The following ANKRD44 variants were observed in gnomAD, a reference collection of about 807,000 sequenced individuals.
The protein encoded by ANKRD44 is ankyrin repeat domain 44, also known as serine/threonine-protein phosphatase 6 regulatory ankyrin repeat subunit B.
A neutral mutation model predicts 116.0 loss-of-function variants in ANKRD44; 35 were observed. The observed-to-expected ratio is 0.30, with a 90% CI of 0.23 to 0.40. The LOEUF is 0.40. Among genes scored for constraint, ANKRD44 ranks in the 10% least tolerant of loss-of-function variants. The pLI, the probability that ANKRD44 is intolerant of heterozygous loss-of-function variation, is 1.00. For missense variants in ANKRD44, 1,014 were observed against 1,242.6 expected (o/e 0.82, Z 2.77); for synonymous variants, 435 against 461.8 (o/e 0.94, Z 0.74).
At chr2:197,009,102 C>CT (rs1015544898) in intron 18 of ANKRD44, 71 bp from the exon 19 acceptor site, 127 of 1,361,060 alleles carry the variant, frequency 9.3e-5, no homozygotes, top group Middle Eastern at 1.8e-4. Flanking sequence ...ATGACTTTTT[C>CT]TTTTTTTTGA....
At chr2:197,022,693 C>T (rs74432706) in intron 17 of ANKRD44, among the ~76,000 whole-genome samples, 5,260 of 152,272 alleles carry the variant, frequency 0.035, 123 homozygotes, top group Non-Finnish European at 0.052. Flanking sequence ...ATATGAGATT[C>T]TATGCTACGT....
chr2:196,987,890 G>T lies in ANKRD44; in HGVS notation c.*1701C>A, dbSNP rs1244000691. 4 of 982,320 alleles carry T rather than the reference G, an allele frequency of 4.1e-6. No individual in the cohort carries two copies. Among genetic ancestry groups the T allele is most frequent in the Non-Finnish European group, 4.8e-6 (4 of 827,440 alleles). 60.9% of individuals were successfully genotyped at this position (982,320 alleles called of 1,614,324 possible). Reference sequence around the variant, plus strand: ...TGCAAACATAATTTTATTTCTAAGAGATGTAATTAAAATACAGAAATGATA... The same window carrying T: ...TGCAAACATAATTTTATTTCTAAGATATGTAATTAAAATACAGAAATGATA... On this transcript the variant is annotated 3_prime_UTR_variant, in exon 28 of 28. Transcript: ENST00000282272.
intron 1 of ANKRD44, among the ~76,000 whole-genome samples, chr2:197,236,839 C>T (rs2081989617): frequency 2.0e-5 from 3 of 152,054 alleles, no homozygotes; most frequent in African/African-American, 7.2e-5. Flanking sequence ...AATGAGAGCA[C>T]ACAGTGAGGG....
intron 11 of ANKRD44, 87 bp downstream of exon 11, chr2:197,089,863 C>A: frequency 8.9e-7 from 1 of 1,124,626 alleles, no homozygotes; most frequent in Non-Finnish European, 1.3e-6. Context: ...GAAGCACAGG[C>A]AGCCACTCAC....
At chr2:197,246,703 C>G (rs375984128) in intron 1 of ANKRD44, among the ~76,000 whole-genome samples, 4 of 152,250 alleles carry the variant, frequency 2.6e-5, no homozygotes. Context: ...AAAACACCTA[C>G]AGTCATTCCC....
chr2:197,113,409 G>T (rs1451235371), intron 8 of ANKRD44, among the ~76,000 whole-genome samples: 9 of 152,214 alleles, frequency 5.9e-5, no homozygotes, highest in Admixed American at 5.9e-4. Context: ...TCCCTAGGTG[G>T]TGCTATTTCT....
Position 197,112,169 on chromosome 2 carries a change from T to C in ANKRD44, c.907-1325A>G, listed in dbSNP as rs969010651. ...AGAGAATGTATTTTCATCCAAGTATTGTTATCAAAAAAATCTATGTAACAC... is the reference window on the plus strand; with the variant it reads ...AGAGAATGTATTTTCATCCAAGTATCGTTATCAAAAAAATCTATGTAACAC... On this transcript the variant is annotated intron_variant, in intron 8 of 27. Transcript: ENST00000282272. 3.3e-5 allele frequency among the ~76,000 whole-genome samples: 5 copies of C among 152,286 alleles called. No individual in the cohort carries two copies. The South Asian group carries it at 8.3e-4, about 25-fold the overall frequency.
At chr2:197,217,199 T>C (rs2081468030) in intron 1 of ANKRD44, among the ~76,000 whole-genome samples, 1 of 152,212 alleles carries the variant, frequency 6.6e-6, no homozygotes, top group Non-Finnish European at 1.5e-5. Flanking sequence ...CACAATTGTC[T>C]CCTATTTACT....
chr2:197,078,969 T>TTGTGTGTGTGTG (rs59690082), intron 15 of ANKRD44, among the ~76,000 whole-genome samples, 155 bp from the exon 16 acceptor site: 140 of 147,212 alleles, frequency 9.5e-4, no homozygotes, highest in Non-Finnish European at 1.5e-3. Flanking sequence ...GTGTTGAAAA[T>TTGTGTGTGTGTG]TGTGTGTGTG....
intron 17 of ANKRD44, chr2:197,015,210 G>T: frequency 3.2e-6 from 1 of 312,138 alleles, no homozygotes; most frequent in Admixed American, 3.8e-5. Flanking sequence ...GAACCAGAGA[G>T]CTGTTTCTAG....
chr2:197,192,271 T>C (rs776677912), intron 1 of ANKRD44, among the ~76,000 whole-genome samples: 2 of 152,206 alleles, frequency 1.3e-5, no homozygotes, highest in Non-Finnish European at 2.9e-5. Context: ...TCAATGGTAA[T>C]AAGCCCAAGC....
chr2:196,982,365 C>T (rs1335147123), downstream of ANKRD44, among the ~76,000 whole-genome samples: 3 of 152,092 alleles, frequency 2.0e-5, no homozygotes, highest in African/African-American at 7.2e-5. Flanking sequence ...GTGGCAGCAA[C>T]TGCTAGGTAA....
intron 2 of ANKRD44, among the ~76,000 whole-genome samples, chr2:197,149,796 TAG>T (rs1010449149): frequency 1.3e-5 from 2 of 152,126 alleles, no homozygotes; most frequent in African/African-American, 4.8e-5. Flanking sequence ...CCATGCTGGA[TAG>T]AGAGAAATCA....
chr2:197,303,499 AGGT>A (rs1252260383), intron 1 of ANKRD44, among the ~76,000 whole-genome samples: 1 of 152,260 alleles, frequency 6.6e-6, no homozygotes, highest in Non-Finnish European at 1.5e-5. Context: ...TTTTAGAGAC[AGGT>A]TAGAATTGTA....
At chr2:196,976,559 T>G (rs2075761813) in intron 21 of ANKRD44, among the ~76,000 whole-genome samples, 1 of 152,108 alleles carries the variant, frequency 6.6e-6, no homozygotes, top group South Asian at 2.1e-4. Context: ...AAATTTTTCT[T>G]ACATGTAGAA....
chr2:197,213,907 AC>A (rs770792322), intron 1 of ANKRD44, among the ~76,000 whole-genome samples: 29 of 152,196 alleles, frequency 1.9e-4, no homozygotes, highest in Admixed American at 3.3e-4. Context: ...ATACTACAGC[AC>A]CTTTAAGAGG....
chr2:197,064,904 A>T (rs1360005761), intron 16 of ANKRD44, among the ~76,000 whole-genome samples: 1 of 152,190 alleles, frequency 6.6e-6, no homozygotes, highest in Non-Finnish European at 1.5e-5. Context: ...CGAGACAGAA[A>T]GTTAAAAAGG....
intron 1 of ANKRD44, among the ~76,000 whole-genome samples, chr2:197,235,113 TA>T (rs2081950699): frequency 6.6e-6 from 1 of 152,154 alleles, no homozygotes; most frequent in Non-Finnish European, 1.5e-5. Context: ...CAGACAGTGG[TA>T]AGACCAAAGG....
chr2:197,048,664 C>A lies in ANKRD44; in HGVS notation c.1651-23397G>T, dbSNP rs60805418. Among the ~76,000 whole-genome samples the A allele has an allele frequency of 6.0e-3, 917 of 152,282 alleles. 11 individuals are homozygous for A. Among genetic ancestry groups the A allele is most frequent in the African/African-American group, 0.02 (828 of 41,544 alleles). On this transcript the variant is annotated intron_variant, in intron 16 of 27. Coordinates refer to ENST00000282272, the MANE Select transcript of ANKRD44 (RefSeq NM_001195144.2). The stretch of plus-strand genomic sequence containing the variant: ...GCAATAAACATACACGTGCATGTGT[C>A]TTTATGACAGCATGATTTATAATCC...
Sources: gnomAD v4.1 joint callset for allele counts (sites outside exome capture counted in the v4.1 genomes callset) on GRCh38, gnomAD v4.1.1 for gene constraint, MANE v1.5 for transcripts, NCBI Gene and HGNC (gene_info 2026-07-23, HGNC 2026-07-21) for gene names.